Variants in THBS2 observed in about 807,000 individuals in gnomAD.
THBS2 encodes thrombospondin-2.
THBS2 carries 47 observed loss-of-function variants against 135.2 expected under a neutral mutation model. The observed-to-expected ratio is 0.35, with a 90% CI of 0.28 to 0.44. The LOEUF (loss-of-function observed/expected upper bound fraction) is 0.44. THBS2 is among the 20% of genes least tolerant of loss of function. THBS2 has a pLI of 1.00. For missense variants in THBS2, 1,288 were observed against 1,603.1 expected, an observed-to-expected ratio of 0.80 and a Z score of 3.36; for synonymous variants, 639 against 633.8, an observed-to-expected ratio of 1.01 and a Z score of -0.12.
intron 12 of THBS2, 68 bp downstream of exon 12, chr6:169,232,596 G>T (rs1405812166): frequency 1.8e-5 from 27 of 1,533,152 alleles, no homozygotes; most frequent in Admixed American, 6.1e-5. Flanking sequence ...TCCTCCTGCT[G>T]CTTTTCTGAG....
chr6:169,242,091 G>A, intron 4 of THBS2, 133 bp from the exon 5 acceptor site: 1 of 1,032,258 alleles, frequency 9.7e-7, no homozygotes, highest in Non-Finnish European at 1.4e-6. Flanking sequence ...GCGGAGGACT[G>A]GGCCAGCAGC....
rs1779152420 is a variant in THBS2 at position 169,215,785 on chromosome 6, T to C, written c.*2037A>G. On this transcript the variant is annotated 3_prime_UTR_variant, in exon 22 of 22. Transcript: ENST00000617924. ...TTTTAAAAAAGGGAGAGAGATCATG[T>C]ATAGAAAACCTTTTTTACAATTTAT... The C allele has an allele frequency of 6.6e-6, 1 of 150,822 alleles. No individual in the cohort carries two copies. Among genetic ancestry groups the C allele is most frequent in the Admixed American group, 6.7e-5 (1 of 14,958 alleles). The allele number at this position is 150,822 out of a possible 1,614,324, so 9.3% of individuals were successfully genotyped here.
Position 169,232,013 on chromosome 6 carries a change from G to T in THBS2, c.2118C>A (p.Val706=). 6.2e-7 allele frequency: 1 copy of T among 1,614,012 alleles called. No individual in the cohort carries two copies. Among genetic ancestry groups the T allele is most frequent in the East Asian group, 2.2e-5 (1 of 44,852 alleles). The part of the protein sequence containing the change: ...DLDGWPNLNL[V]CATNATYHCI... The stretch of plus-strand genomic sequence containing the variant: ...AGTGGTAGGTGGCGTTGGTGGCGCA[G>T]ACCAGATTGAGGTTGGGCCAGCCGT... The change falls in exon 13 of 22, where the codon GTC becomes GTA. Residue 706 remains valine (V), a synonymous_variant. Transcript: ENST00000617924.
intron 8 of THBS2, 138 bp downstream of exon 8, chr6:169,237,487 G>C (rs892413771): frequency 9.0e-5 from 135 of 1,497,748 alleles, no homozygotes; most frequent in Non-Finnish European, 1.2e-4. Flanking sequence ...CTGGGAGAAA[G>C]AGCCTCACCT....
At chr6:169,224,685 G>A (rs1779556326) in intron 17 of THBS2, among the ~76,000 whole-genome samples, 1 of 152,120 alleles carries the variant, frequency 6.6e-6, no homozygotes, top group East Asian at 1.9e-4. Context: ...GTGGCTATGG[G>A]CCACCTATTC....
intron 2 of THBS2, among the ~76,000 whole-genome samples, 169 bp from the exon 3 acceptor site, chr6:169,249,142 A>C (rs926008836): frequency 2.0e-5 from 3 of 152,180 alleles, no homozygotes; most frequent in Admixed American, 2.0e-4. Flanking sequence ...CCTCTGATGA[A>C]AAGCCACTAT....
Position 169,232,277 on chromosome 6 carries a change from G to A in THBS2, c.1933-79C>T, listed in dbSNP as rs967870421. 5.5e-6 allele frequency: 8 copies of A among 1,467,606 alleles called. No homozygotes were observed. In the East Asian group the frequency reaches 6.8e-5, roughly 13 times the overall value. 90.9% of individuals were successfully genotyped at this position (1,467,606 alleles called of 1,614,324 possible). Reference sequence around the variant, plus strand: ...GCGTCGAGGCGGGGCGTCGGGCACCGCAGGCCCCAGCAGGTCCGGTCCCAA... The same window carrying A: ...GCGTCGAGGCGGGGCGTCGGGCACCACAGGCCCCAGCAGGTCCGGTCCCAA... On this transcript the variant is annotated intron_variant, in intron 12 of 21. Transcript: ENST00000617924.
chr6:169,220,330 C>T lies in THBS2; in HGVS notation c.3379G>A (p.Val1127Met), dbSNP rs545179688. The T allele has an allele frequency of 6.2e-7, 1 of 1,607,474 alleles. No homozygotes were observed. The highest frequency in any genetic ancestry group is 1.3e-5 in the African/African-American group (1 of 74,270). ...RPKTGYIRVLVHEGKQVMADS... is the reference protein window; with the variant it reads ...RPKTGYIRVLMHEGKQVMADS... ...GCCATGACCTGTTTTCCTTCATGCA[C>T]TAAGACTCTAAAAATGGTGTTTAAA... Residue 1127 changes from valine to methionine, a missense_variant, in exon 21 of 22, where the codon GTG becomes ATG. Physicochemically the swap from Val to Met is conservative, Grantham distance 21 (BLOSUM62 1). Coordinates refer to ENST00000617924, the MANE Select transcript of THBS2 (RefSeq NM_003247.5).
intron 18 of THBS2, 116 bp downstream of exon 18, chr6:169,223,132 C>T: frequency 1.1e-6 from 1 of 936,372 alleles, no homozygotes; most frequent in Non-Finnish European, 1.6e-6. Flanking sequence ...AGGATGGGGG[C>T]TTCCAGAAAG....
In THBS2 at chr6:169,222,191, C is replaced by A. The variant is rs565868322; in HGVS notation, c.3273+6G>T. On this transcript the variant is annotated splice_donor_region_variant and intron_variant, in intron 19 of 21. Transcript: ENST00000617924. ...GAGATGTGTGGGCCTGGCCAGCCAACCTCACCTGCCCCGGCGTGTTCCCCG... is the reference window on the plus strand; with the variant it reads ...GAGATGTGTGGGCCTGGCCAGCCAAACTCACCTGCCCCGGCGTGTTCCCCG... The A allele has an allele frequency of 6.3e-7, 1 of 1,593,316 alleles. No individual in the cohort carries two copies. Among genetic ancestry groups the A allele is most frequent in the Admixed American group, 1.7e-5 (1 of 59,472 alleles).
intron 12 of THBS2, 126 bp downstream of exon 12, chr6:169,232,538 C>T: frequency 6.9e-7 from 1 of 1,455,136 alleles, no homozygotes; most frequent in Non-Finnish European, 9.2e-7. Context: ...CTTCCCCGGG[C>T]CAGCCCCTCC....
chr6:169,227,555 T>TGCAA (rs770138007), intron 15 of THBS2, among the ~76,000 whole-genome samples: 4 of 152,192 alleles, frequency 2.6e-5, no homozygotes, highest in African/African-American at 4.8e-5. Flanking sequence ...GGCCCAGGAC[T>TGCAA]GCAAGGCTGG....
chr6:169,232,981 TG>T lies in THBS2; in HGVS notation c.1687del (p.Gln563SerfsTer187). 1 of 1,551,454 alleles carries T rather than the reference TG, an allele frequency of 6.4e-7. No homozygotes were observed. The highest frequency in any genetic ancestry group is 8.7e-7 in the Non-Finnish European group (1 of 1,150,510). On this transcript the variant is annotated frameshift_variant, in exon 11 of 22. Transcript: ENST00000617924. LOFTEE classifies it high-confidence loss of function. ...CLSNPCFPGA[Q>X]CSSFPDGSWS... ...GGACCCATCGGGGAAGCTGCTGCACTGGGCTCCCGGGAAGCAGGGGTTGGAT... is the reference window on the plus strand; with the variant it reads ...GGACCCATCGGGGAAGCTGCTGCACTGGCTCCCGGGAAGCAGGGGTTGGAT...
intron 4 of THBS2, among the ~76,000 whole-genome samples, chr6:169,242,652 C>CCTTCCCACCACTCCCACCTTCCCATCT: frequency 2.6e-5 from 1 of 39,042 alleles, no homozygotes; most frequent in African/African-American, 1.1e-4. Context: ...CTTCCCACCA[C>CCTTCCCACCACTCCCACCTTCCCATCT]TCCCACCTTC....
At chr6:169,225,709 T>A (rs890215232) in intron 16 of THBS2, among the ~76,000 whole-genome samples, 1 of 152,192 alleles carries the variant, frequency 6.6e-6, no homozygotes, top group Non-Finnish European at 1.5e-5. Context: ...TTTACACCAT[T>A]TACATCATAG....
At chr6:169,233,229 C>T (rs1450377864) in intron 10 of THBS2, among the ~76,000 whole-genome samples, 2 of 152,076 alleles carry the variant, frequency 1.3e-5, no homozygotes, top group Non-Finnish European at 2.9e-5. Flanking sequence ...TGCAGAAGCA[C>T]GTGTACATTA....
intron 2 of THBS2, among the ~76,000 whole-genome samples, 161 bp downstream of exon 2, chr6:169,250,572 A>G (rs1271382273): frequency 6.6e-6 from 1 of 152,248 alleles, no homozygotes; most frequent in Non-Finnish European, 1.5e-5. Context: ...ATCTCATGTC[A>G]TATTGGCTCA....
At chr6:169,238,182 A>G (rs1317180298) in intron 7 of THBS2, among the ~76,000 whole-genome samples, 1 of 152,254 alleles carries the variant, frequency 6.6e-6, no homozygotes, top group East Asian at 1.9e-4. Flanking sequence ...AATGTAACGT[A>G]TTTCCATTTA....
chr6:169,229,461 T>TG (rs1434906049), intron 14 of THBS2, 111 bp downstream of exon 14: 25 of 823,446 alleles, frequency 3.0e-5, no homozygotes, highest in Non-Finnish European at 2.2e-5. Context: ...CACAAACGCT[T>TG]GCAGGACAAT....
Sources: allele counts gnomAD v4.1 joint callset (sites outside exome capture counted in the v4.1 genomes callset), GRCh38; gene constraint gnomAD v4.1.1; transcripts MANE v1.5; gene names NCBI Gene and HGNC (gene_info 2026-07-23, HGNC 2026-07-21).